SYT16: variants seen among roughly 807,000 people sequenced by gnomAD.
The protein encoded by SYT16 is synaptotagmin 16.
Under a neutral mutation model 61.4 loss-of-function variants are expected in SYT16, and 42 were observed. The observed-to-expected ratio is 0.68, with a 90% CI of 0.53 to 0.89. SYT16 has a LOEUF of 0.89. Ranked by LOEUF, SYT16 falls within the 40% of genes least tolerant of loss-of-function variation. The pLI is 0.00. For missense variants in SYT16, 804 were observed against 807.3 expected (o/e 1.00, Z 0.05); for synonymous variants, 314 against 302.3 (o/e 1.04, Z -0.40).
intron 1 of SYT16, among the ~76,000 whole-genome samples, chr14:61,946,036 A>G (rs374445686): frequency 2.6e-5 from 4 of 152,180 alleles, no homozygotes; most frequent in East Asian, 1.9e-4. Context: ...AGGGAGGGGA[A>G]CATCACACAC....
chr14:62,077,668 G>A (rs2056544906), intron 5 of SYT16: 1 of 152,270 alleles, frequency 6.6e-6, no homozygotes, highest in African/African-American at 2.4e-5. Flanking sequence ...TCCTTCAGTT[G>A]CCTGGTGAGA....
At chr14:61,833,295 C>CT (rs556738010) in intron 1 of SYT16, among the ~76,000 whole-genome samples, 19,647 of 138,702 alleles carry the variant, frequency 0.14, 1,474 homozygotes, top group African/African-American at 0.2. Context: ...TTTTTCTTTT[C>CT]TTTTTTTTTT....
At chr14:61,915,477 A>G (rs1046315656) in intron 1 of SYT16, among the ~76,000 whole-genome samples, 2 of 152,304 alleles carry the variant, frequency 1.3e-5, no homozygotes, top group East Asian at 1.9e-4. Context: ...GAATTGAACT[A>G]TAGGAACAAG....
At chr14:61,986,180 A>G (rs905809200) in intron 2 of SYT16, among the ~76,000 whole-genome samples, 2 of 152,112 alleles carry the variant, frequency 1.3e-5, no homozygotes, top group Non-Finnish European at 2.9e-5. Context: ...AAGTAATTAT[A>G]AGGTAAACAG....
chr14:61,976,279 C>T (rs1327279834), intron 2 of SYT16, among the ~76,000 whole-genome samples: 1 of 152,162 alleles, frequency 6.6e-6, no homozygotes, highest in African/African-American at 2.4e-5. Flanking sequence ...GTGGCTTTTC[C>T]AGGCACATGG....
intron 1 of SYT16, among the ~76,000 whole-genome samples, chr14:61,936,566 C>T (rs984917651): frequency 3.3e-5 from 5 of 152,126 alleles, no homozygotes; most frequent in Admixed American, 2.0e-4. Flanking sequence ...ATAATTGTCC[C>T]GAGATTCCAT....
chr14:61,932,899 A>G (rs1198716025), intron 1 of SYT16, among the ~76,000 whole-genome samples: 2 of 152,202 alleles, frequency 1.3e-5, no homozygotes, highest in Non-Finnish European at 2.9e-5. Context: ...CAAAATTAAG[A>G]GTAAAAATCA....
At chr14:62,052,712 A>T (rs915104966) in intron 3 of SYT16, among the ~76,000 whole-genome samples, 1 of 152,162 alleles carries the variant, frequency 6.6e-6, no homozygotes, top group Non-Finnish European at 1.5e-5. Flanking sequence ...TGGAGCCCTC[A>T]TGAGTGGGAT....
chr14:62,088,068 AT>A (rs1188214195), intron 7 of SYT16, among the ~76,000 whole-genome samples: 4 of 152,182 alleles, frequency 2.6e-5, no homozygotes, highest in African/African-American at 9.7e-5. Context: ...GCTTTTTTTT[AT>A]ATAAAACTAA....
At chr14:61,820,380 C>T (rs1211611676) in intron 1 of SYT16, among the ~76,000 whole-genome samples, 1 of 150,222 alleles carries the variant, frequency 6.7e-6, no homozygotes, top group Non-Finnish European at 1.5e-5. Context: ...ATTTGGCGAT[C>T]TCTCTGGGCT....
At chr14:61,944,419 T>C (rs917274360) in intron 1 of SYT16, among the ~76,000 whole-genome samples, 1 of 152,208 alleles carries the variant, frequency 6.6e-6, no homozygotes. Flanking sequence ...AGAGCCCATA[T>C]AGCCAAGACA....
At position 62,100,560 on chromosome 14, in the gene SYT16, C is replaced by T; in HGVS notation, c.1791C>T (p.Asn597=). The part of the protein sequence containing the change: ...SDVTLMISVY[N]RRTMKRKEMI... ...TCACGTTGATGATTTCCGTTTATAA[C>T]AGGCGTACTATGAAGCGTAAAGAGA... is the stretch of plus-strand genomic sequence containing the variant. The change falls in exon 8 of 8, where the codon AAC becomes AAT. Residue 597 remains asparagine (N), a synonymous_variant. Coordinates refer to ENST00000683842, the MANE Select transcript of SYT16 (RefSeq NM_001367656.1). 7 of 1,613,788 alleles carry T rather than the reference C, an allele frequency of 4.3e-6. No homozygotes were observed. The highest frequency in any genetic ancestry group is 3.3e-5 in the Admixed American group (2 of 59,944).
At chr14:61,951,938 T>TGCCAAA (rs2050689063) in intron 1 of SYT16, among the ~76,000 whole-genome samples, 1 of 152,026 alleles carries the variant, frequency 6.6e-6, no homozygotes, top group Non-Finnish European at 1.5e-5. Context: ...TACAGGTAGG[T>TGCCAAA]GCCACCATGC....
chr14:62,024,541 A>G (rs1349718953), intron 3 of SYT16, among the ~76,000 whole-genome samples: 3 of 152,010 alleles, frequency 2.0e-5, no homozygotes, highest in Admixed American at 6.6e-5. Flanking sequence ...CATAGTTCCC[A>G]TACACCCTGT....
At chr14:61,984,676 G>A (rs1336721352) in intron 2 of SYT16, among the ~76,000 whole-genome samples, 1 of 152,094 alleles carries the variant, frequency 6.6e-6, no homozygotes, top group African/African-American at 2.4e-5. Context: ...AAGGATTCAA[G>A]GAGAAAGAGA....
intron 1 of SYT16, among the ~76,000 whole-genome samples, chr14:61,933,153 C>T (rs2049844149): frequency 6.6e-6 from 1 of 152,096 alleles, no homozygotes; most frequent in African/African-American, 2.4e-5. Flanking sequence ...TGGAGTGTTC[C>T]GTGGAGCCCC....
chr14:62,042,613 A>G (rs541181432), intron 3 of SYT16, among the ~76,000 whole-genome samples: 7 of 152,368 alleles, frequency 4.6e-5, no homozygotes, highest in African/African-American at 1.4e-4. Context: ...TGTTCCTGCC[A>G]ATCATTTCAA....
chr14:61,990,867 A>C (rs539388513), intron 2 of SYT16, among the ~76,000 whole-genome samples: 9 of 152,318 alleles, frequency 5.9e-5, no homozygotes, highest in African/African-American at 2.2e-4. Flanking sequence ...ATATTTGATA[A>C]AACATATGGC....
chr14:61,973,871 G>A (rs2051668519), intron 2 of SYT16, among the ~76,000 whole-genome samples: 1 of 152,132 alleles, frequency 6.6e-6, no homozygotes, highest in Admixed American at 6.5e-5. Flanking sequence ...AAAGAGGTTT[G>A]GAGACCATGA....
Sources: gnomAD v4.1 joint callset for allele counts (sites outside exome capture counted in the v4.1 genomes callset) on GRCh38, gnomAD v4.1.1 for gene constraint, MANE v1.5 for transcripts, NCBI Gene and HGNC (gene_info 2026-07-23, HGNC 2026-07-21) for gene names.